EXOC6: variants seen among roughly 807,000 people sequenced by gnomAD.
The protein encoded by EXOC6 is exocyst complex component 6.
A neutral mutation model predicts 112.5 loss-of-function variants in EXOC6; 60 were observed. The observed-to-expected ratio is 0.53, with a 90% CI of 0.43 to 0.66. The LOEUF (loss-of-function observed/expected upper bound fraction) is 0.66. Among genes scored for constraint, EXOC6 ranks in the 30% least tolerant of loss-of-function variants. The probability of loss-of-function intolerance (pLI) is 0.00; values close to 1 mark genes in which losing one functional copy is unlikely to be tolerated. For synonymous variants in EXOC6, 295 were observed against 308.0 expected, an observed-to-expected ratio of 0.96 and a Z score of 0.44; for missense variants, 855 against 957.1, an observed-to-expected ratio of 0.89 and a Z score of 1.41.
At chr10:92,914,860 A>G (rs1850994525) in intron 6 of EXOC6, among the ~76,000 whole-genome samples, 2 of 152,144 alleles carry the variant, frequency 1.3e-5, no homozygotes, top group African/African-American at 4.8e-5. Context: ...AACAGAGAGA[A>G]TGTCTCGCAG....
At chr10:92,835,679 A>C (rs775000270) in intron 1 of EXOC6, among the ~76,000 whole-genome samples, 27 of 152,194 alleles carry the variant, frequency 1.8e-4, no homozygotes, top group Non-Finnish European at 2.5e-4. Flanking sequence ...TTTAAACCTG[A>C]ATAAATTTCT....
intron 18 of EXOC6, among the ~76,000 whole-genome samples, chr10:92,979,349 G>A (rs767066566): frequency 4.6e-5 from 7 of 152,176 alleles, no homozygotes; most frequent in Non-Finnish European, 8.8e-5. Flanking sequence ...CTTAGTCAAA[G>A]ATTGTCATGA....
chr10:92,997,790 C>T (rs558845960), intron 19 of EXOC6, among the ~76,000 whole-genome samples, 175 bp downstream of exon 19: 3 of 152,312 alleles, frequency 2.0e-5, no homozygotes, highest in African/African-American at 7.2e-5. Context: ...AAAAATATCT[C>T]AGCTTCACAT....
At chr10:92,896,208 T>A (rs1849816842) in intron 4 of EXOC6, among the ~76,000 whole-genome samples, 3 of 61,806 alleles carry the variant, frequency 4.9e-5, no homozygotes, top group African/African-American at 2.2e-4. Flanking sequence ...TTTTTTTTTT[T>A]TTTTTTTTTG....
At position 92,879,933 on chromosome 10, in the gene EXOC6, A is replaced by T. The variant is rs568867224; in HGVS notation, c.102-13416A>T. ...ATGATTCTGTTCTGCTATTTTTTTTAAAACAGTTATATTAAAGCAATAGGT... is the reference window on the plus strand; with the variant it reads ...ATGATTCTGTTCTGCTATTTTTTTTTAAACAGTTATATTAAAGCAATAGGT... On this transcript the variant is annotated intron_variant, in intron 1 of 21. Coordinates refer to ENST00000260762, the MANE Select transcript of EXOC6 (RefSeq NM_019053.6). 3.9e-5 allele frequency among the ~76,000 whole-genome samples: 6 copies of T among 152,284 alleles called. No homozygotes were observed. In the South Asian group the frequency reaches 6.2e-4, roughly 16 times the overall value.
chr10:92,924,439 G>A (rs918189337), intron 8 of EXOC6, among the ~76,000 whole-genome samples: 9 of 152,112 alleles, frequency 5.9e-5, no homozygotes, highest in Admixed American at 2.6e-4. Flanking sequence ...TCATATTCAT[G>A]TACATTATGA....
At chr10:93,028,515 C>T (rs1447939135) in intron 20 of EXOC6, among the ~76,000 whole-genome samples, 2 of 151,948 alleles carry the variant, frequency 1.3e-5, no homozygotes, top group African/African-American at 4.8e-5. Context: ...ATGGAATCTA[C>T]CCCTGGTGAA....
chr10:93,021,598 G>A (rs1343880668), intron 20 of EXOC6, among the ~76,000 whole-genome samples: 3 of 152,178 alleles, frequency 2.0e-5, no homozygotes, highest in Non-Finnish European at 4.4e-5. Context: ...CTGTTGCAGT[G>A]CTATTTCCCT....
chr10:93,029,293 G>A (rs986739358), intron 20 of EXOC6, among the ~76,000 whole-genome samples: 6 of 152,136 alleles, frequency 3.9e-5, no homozygotes, highest in African/African-American at 1.4e-4. Flanking sequence ...CTAAAAATTT[G>A]TGTCACTCAC....
At chr10:93,050,862 ACT>A (rs1188040885) in intron 20 of EXOC6, among the ~76,000 whole-genome samples, 1 of 151,188 alleles carries the variant, frequency 6.6e-6, no homozygotes, top group Non-Finnish European at 1.5e-5. Flanking sequence ...ACAGAGCGAG[ACT>A]CTGTCTCAAA....
chr10:92,988,471 G>A (rs1158926253), intron 18 of EXOC6, among the ~76,000 whole-genome samples: 1 of 152,060 alleles, frequency 6.6e-6, no homozygotes, highest in Non-Finnish European at 1.5e-5. Context: ...TAATGTAATT[G>A]TCTTCTAATT....
intron 1 of EXOC6, among the ~76,000 whole-genome samples, chr10:92,859,378 A>T (rs1229939267): frequency 1.3e-5 from 2 of 152,072 alleles, no homozygotes; most frequent in Non-Finnish European, 2.9e-5. Flanking sequence ...GCTCTCTTTG[A>T]CTTTCTGTTT....
chr10:92,971,336 G>A (rs1589942790), intron 17 of EXOC6, among the ~76,000 whole-genome samples: 1 of 105,482 alleles, frequency 9.5e-6, no homozygotes, highest in Middle Eastern at 5.4e-3. Context: ...GAGGCACCAC[G>A]CCCAGCCTAG....
chr10:92,994,241 G>A (rs747982221), intron 18 of EXOC6, among the ~76,000 whole-genome samples: 1 of 152,184 alleles, frequency 6.6e-6, no homozygotes, highest in African/African-American at 2.4e-5. Context: ...CACTGTGAAG[G>A]TGCCATGGAA....
At chr10:92,976,608 T>C (rs1028363112) in intron 18 of EXOC6, among the ~76,000 whole-genome samples, 25 of 119,554 alleles carry the variant, frequency 2.1e-4, no homozygotes, top group African/African-American at 9.3e-4. Context: ...TCCACTATTG[T>C]CCTATGACCC....
At chr10:92,895,791 C>T (rs187777924) in intron 4 of EXOC6, among the ~76,000 whole-genome samples, 5 of 149,852 alleles carry the variant, frequency 3.3e-5, no homozygotes, top group Admixed American at 3.3e-4. Flanking sequence ...CCTTGAACTC[C>T]TAGGTTCAAG....
At chr10:92,953,519 A>G (rs1243635457) in intron 15 of EXOC6, among the ~76,000 whole-genome samples, 2 of 152,214 alleles carry the variant, frequency 1.3e-5, no homozygotes, top group African/African-American at 4.8e-5. Flanking sequence ...GGCAATGTCT[A>G]GAAACATCTT....
At chr10:93,004,836 T>C (rs965503995) in intron 19 of EXOC6, among the ~76,000 whole-genome samples, 3 of 152,206 alleles carry the variant, frequency 2.0e-5, no homozygotes, top group Admixed American at 1.3e-4. Flanking sequence ...CTTGAGCAAG[T>C]TGACTTGGAC....
intron 18 of EXOC6, among the ~76,000 whole-genome samples, chr10:92,995,810 CTT>C (rs1349002461): frequency 1.6e-4 from 24 of 152,100 alleles, no homozygotes; most frequent in Non-Finnish European, 2.9e-5. Flanking sequence ...GCTTTTATCT[CTT>C]AAGTTTTCGA....
Sources: gnomAD v4.1 joint callset for allele counts (sites outside exome capture counted in the v4.1 genomes callset) on GRCh38, gnomAD v4.1.1 for gene constraint, MANE v1.5 for transcripts, NCBI Gene and HGNC (gene_info 2026-07-23, HGNC 2026-07-21) for gene names.